ABHD3: variants seen among roughly 807,000 people sequenced by gnomAD.
ABHD3 encodes the protein phospholipase ABHD3.
A neutral mutation model predicts 48.8 loss-of-function variants in ABHD3; 46 were observed. That is an observed-to-expected ratio of 0.94 (90% CI 0.74 to 1.20). The LOEUF (loss-of-function observed/expected upper bound fraction) is 1.20, where lower values mean the gene tolerates loss of function less well. Among genes scored for constraint, ABHD3 ranks in the 50% most tolerant of loss-of-function variants. The pLI is 0.00. For synonymous variants in ABHD3, 192 were observed against 183.7 expected, an observed-to-expected ratio of 1.04 and a Z score of -0.36; for missense variants, 490 against 497.8, an observed-to-expected ratio of 0.98 and a Z score of 0.15.
chr18:21,677,779 G>T (rs933442963), intron 4 of ABHD3, among the ~76,000 whole-genome samples: 1 of 151,882 alleles, frequency 6.6e-6, no homozygotes, highest in Non-Finnish European at 1.5e-5. Flanking sequence ...CACCTCCCGG[G>T]TTCAAGCGAT....
Position 21,651,694 on chromosome 18 carries a change from A to G in ABHD3, c.1127T>C (p.Ile376Thr), listed in dbSNP as rs181026394. 645 of 1,611,592 alleles carry G rather than the reference A, an allele frequency of 4.0e-4. 4 individuals are homozygous for G. The highest frequency in any genetic ancestry group is 4.1e-5 in the Non-Finnish European group (48 of 1,179,114). ...ALVLTSYGGH[I>T]GFLEGIWPRQ... Reference sequence around the variant, plus strand: ...TGGCCAGATTCCCTCCAGAAAACCAATATGGCCTCCATAAGAAGTAAGGAC... The same window carrying G: ...TGGCCAGATTCCCTCCAGAAAACCAGTATGGCCTCCATAAGAAGTAAGGAC... Residue 376 changes from isoleucine (I) to threonine (T), a missense_variant, in exon 9 of 9, where the codon ATT becomes ACT. Ile to Thr is a moderately conservative substitution (Grantham distance 89). Transcript: ENST00000289119.
intron 3 of ABHD3, among the ~76,000 whole-genome samples, chr18:21,686,283 A>T (rs2040127357): frequency 6.6e-6 from 1 of 152,256 alleles, no homozygotes; most frequent in Non-Finnish European, 1.5e-5. Context: ...ATTTACTTGC[A>T]TAAGCACTTA....
chr18:21,698,571 CAG>C (rs1300546760), intron 3 of ABHD3, among the ~76,000 whole-genome samples: 2 of 151,844 alleles, frequency 1.3e-5, no homozygotes, highest in African/African-American at 4.8e-5. Context: ...TTTTTTAAGA[CAG>C]AGTCTTGCTC....
chr18:21,660,088 A>G (rs532023300), intron 5 of ABHD3, among the ~76,000 whole-genome samples: 1 of 140,348 alleles, frequency 7.1e-6, no homozygotes, highest in African/African-American at 2.7e-5. Context: ...TACCCTCCCC[A>G]GTATCTGGGA....
chr18:21,675,274 T>G (rs1031350850), intron 4 of ABHD3, among the ~76,000 whole-genome samples: 5 of 144,550 alleles, frequency 3.5e-5, no homozygotes, highest in Non-Finnish European at 6.1e-5. Flanking sequence ...TTTTTTTTTT[T>G]TTTTTTTTTT....
intron 3 of ABHD3, among the ~76,000 whole-genome samples, chr18:21,690,389 G>C (rs2040220568): frequency 6.6e-6 from 1 of 152,042 alleles, no homozygotes; most frequent in African/African-American, 2.4e-5. Flanking sequence ...ATCACTTGAG[G>C]TCAGGAGTTT....
intron 4 of ABHD3, among the ~76,000 whole-genome samples, chr18:21,670,939 G>A (rs1251466182): frequency 4.6e-5 from 7 of 152,132 alleles, no homozygotes; most frequent in Non-Finnish European, 7.4e-5. Flanking sequence ...GCTTGAACTC[G>A]GGAAGCAGAG....
chr18:21,684,266 GT>G (rs2040076091), intron 3 of ABHD3, among the ~76,000 whole-genome samples: 1 of 127,422 alleles, frequency 7.8e-6, no homozygotes, highest in Admixed American at 7.9e-5. Flanking sequence ...TCCAACAAGT[GT>G]TTTTAAAACA....
chr18:21,673,934 G>C (rs187258300), intron 4 of ABHD3, among the ~76,000 whole-genome samples: 1 of 152,142 alleles, frequency 6.6e-6, no homozygotes, highest in East Asian at 1.9e-4. Flanking sequence ...TGCTTCCCAG[G>C]GGACTCTAAT....
chr18:21,704,563 A>G lies in ABHD3; in HGVS notation c.103T>C (p.Ser35Pro), dbSNP rs1478330421. The stretch of plus-strand genomic sequence containing the variant: ...GCGACGCTGAAGCCCAGGATAAGGG[A>G]TAAGCCCACCCCCGAGCCGAAGAAC... The part of the protein sequence containing the change: ...VGFFGSGVGL[S>P]LILGFSVAYA... The change falls in exon 1 of 9, where the codon TCC (serine) becomes CCC (proline). Residue 35 changes from serine (S) to proline (P), a missense_variant. Physicochemically the swap from Ser to Pro is moderately conservative, Grantham distance 74. Transcript: ENST00000289119. 9.1e-6 allele frequency: 14 copies of G among 1,537,250 alleles called. No individual in the cohort carries two copies. The highest frequency in any genetic ancestry group is 1.2e-5 in the Non-Finnish European group (14 of 1,144,312).
chr18:21,659,158 A>G lies in ABHD3; in HGVS notation c.842+12T>C. On this transcript the variant is annotated intron_variant, in intron 6 of 8. Coordinates refer to ENST00000289119, the MANE Select transcript of ABHD3 (RefSeq NM_138340.5). ...CCGGCCCTGGAGACAACAGATTTTA[A>G]AGATGACTCACTTATTAACTGAAGA... 1 of 1,609,166 alleles carries G rather than the reference A, an allele frequency of 6.2e-7. No homozygotes were observed. The highest frequency in any genetic ancestry group is 8.5e-7 in the Non-Finnish European group (1 of 1,178,064).
At chr18:21,701,098 C>T (rs1319614868) in intron 3 of ABHD3, among the ~76,000 whole-genome samples, 2 of 151,848 alleles carry the variant, frequency 1.3e-5, no homozygotes, top group African/African-American at 2.4e-5. Flanking sequence ...GAGAATGTTA[C>T]TTCATGGACA....
Position 21,702,478 on chromosome 18 carries a change from T to C in ABHD3, c.347A>G (p.Asp116Gly), listed in dbSNP as rs763163181. ...CCAGTCCAGTGAAATCTGTCCTCCA[T>C]CTGCAGTTTTAATAAGTTCACTGAA... ...QYRNELIKTA[D>G]GGQISLDWFD... Residue 116 changes from aspartate (D) to glycine (G), a missense_variant, in exon 3 of 9, where the codon GAT (aspartate) becomes GGT (glycine). By Grantham distance (94) the Asp-to-Gly change is moderately conservative. Coordinates refer to ENST00000289119, the MANE Select transcript of ABHD3 (RefSeq NM_138340.5). The C allele has an allele frequency of 1.9e-6, 3 of 1,603,104 alleles. No individual in the cohort carries two copies. Among genetic ancestry groups the C allele is most frequent in the African/African-American group, 2.7e-5 (2 of 74,630 alleles).
chr18:21,663,761 G>T (rs2039555879), intron 5 of ABHD3: 1 of 1,535,528 alleles, frequency 6.5e-7, no homozygotes, highest in East Asian at 2.4e-5. Context: ...TGAAAGTCAT[G>T]CTACAAGTTC....
chr18:21,677,505 C>T (rs536777605), intron 4 of ABHD3, among the ~76,000 whole-genome samples: 361 of 152,004 alleles, frequency 2.4e-3, no homozygotes, highest in Non-Finnish European at 4.1e-3. Context: ...TATGCCCAGC[C>T]GACTTCATTC....
chr18:21,692,810 T>C (rs916504749), intron 3 of ABHD3, among the ~76,000 whole-genome samples: 16 of 152,234 alleles, frequency 1.1e-4, no homozygotes, highest in Admixed American at 3.9e-4. Flanking sequence ...GTCTCTTTGG[T>C]ATTTTTGCAG....
chr18:21,680,941 T>C (rs752057665), intron 4 of ABHD3, among the ~76,000 whole-genome samples: 2 of 151,646 alleles, frequency 1.3e-5, no homozygotes, highest in Non-Finnish European at 2.9e-5. Flanking sequence ...TTGCCCAGGC[T>C]GGTCTTCAAC....
chr18:21,666,114 C>A (rs896681131), intron 4 of ABHD3, among the ~76,000 whole-genome samples: 3 of 152,024 alleles, frequency 2.0e-5, no homozygotes, highest in Non-Finnish European at 4.4e-5. Context: ...TCACTAGTAC[C>A]CCTCTGCCTC....
chr18:21,651,401 T>A lies in ABHD3; in HGVS notation c.*190A>T, dbSNP rs2039217622. ...AATAAAATCTACGTAAGTAACAATCTAATACTATATTTAATTTGTTGCTAC... is the reference window on the plus strand; with the variant it reads ...AATAAAATCTACGTAAGTAACAATCAAATACTATATTTAATTTGTTGCTAC... On this transcript the variant is annotated 3_prime_UTR_variant, in exon 9 of 9. Transcript: ENST00000289119. 5.6e-6 allele frequency: 3 copies of A among 531,564 alleles called. No individual in the cohort carries two copies. Among genetic ancestry groups the A allele is most frequent in the Non-Finnish European group, 9.6e-6 (3 of 314,136 alleles). 32.9% of individuals were successfully genotyped at this position (531,564 alleles called of 1,614,324 possible). A position where few individuals can be genotyped will look rare whatever the true frequency, so the allele number is the denominator to read the frequency against.
Sources: allele counts gnomAD v4.1 joint callset (sites outside exome capture counted in the v4.1 genomes callset), GRCh38; gene constraint gnomAD v4.1.1; transcripts MANE v1.5; gene names NCBI Gene and HGNC (gene_info 2026-07-23, HGNC 2026-07-21).